The following KDM5A variants were observed in gnomAD, a reference collection of about 807,000 sequenced individuals.
KDM5A encodes lysine-specific demethylase 5A.
A neutral mutation model predicts 193.5 loss-of-function variants in KDM5A; 42 were observed. That is an observed-to-expected ratio of 0.22 (90% confidence interval 0.17 to 0.28). The LOEUF (loss-of-function observed/expected upper bound fraction) is 0.28, where lower values mean the gene tolerates loss of function less well. Among genes scored for constraint, KDM5A ranks in the 10% least tolerant of loss-of-function variants. The pLI, the probability that KDM5A is intolerant of heterozygous loss-of-function variation, is 1.00. For synonymous variants in KDM5A, 796 were observed against 718.1 expected, an observed-to-expected ratio of 1.11 and a Z score of -1.73; for missense variants, 1,692 against 2,055.1, an observed-to-expected ratio of 0.82 and a Z score of 3.42.
At chr12:336,098 C>CCTGTAATCTCA (rs1406858289) in intron 10 of KDM5A, among the ~76,000 whole-genome samples, 1 of 147,802 alleles carries the variant, frequency 6.8e-6, no homozygotes, top group Non-Finnish European at 1.5e-5. Flanking sequence ...GTGGCTCATG[C>CCTGTAATCTCA]CTGTAATCTC....
intron 3 of KDM5A, among the ~76,000 whole-genome samples, chr12:380,872 T>A (rs1314962212): frequency 6.6e-6 from 1 of 152,060 alleles, no homozygotes; most frequent in East Asian, 1.9e-4. Context: ...CTCAACTCAC[T>A]GCAACCTCTG....
chr12:317,062 A>G (rs1651742226), intron 19 of KDM5A, among the ~76,000 whole-genome samples: 2 of 152,230 alleles, frequency 1.3e-5, no homozygotes, highest in Admixed American at 1.3e-4. Context: ...ACCGTTAATT[A>G]TCAGCCAAAT....
intron 24 of KDM5A, among the ~76,000 whole-genome samples, chr12:300,085 G>A (rs994574014): frequency 6.6e-6 from 1 of 151,900 alleles, no homozygotes; most frequent in Non-Finnish European, 1.5e-5. Context: ...CACAATAATA[G>A]TGGGAGACTT....
intron 10 of KDM5A, among the ~76,000 whole-genome samples, chr12:344,435 G>C (rs965573206): frequency 3.9e-5 from 6 of 152,116 alleles, no homozygotes; most frequent in African/African-American, 1.4e-4. Context: ...AATACTCCTT[G>C]AGAAGAGCAA....
chr12:313,075 G>T lies in KDM5A; in HGVS notation c.3017C>A (p.Ala1006Asp). The change falls in exon 20 of 28, where the codon GCT (alanine) becomes GAT (aspartate). Residue 1006 changes from alanine (A) to aspartate (D), a missense_variant. Coordinates refer to ENST00000399788, the MANE Select transcript of KDM5A (RefSeq NM_001042603.3). ...TCTTACCTGAATAGCTTCCACTTTA[G>T]CGGTCCATTCTCGAGCCTTTTGTAA... Reference protein sequence around the residue: ...EALQKAREWTAKVEAIQSGSN... With the variant: ...EALQKAREWTDKVEAIQSGSN... The T allele has an allele frequency of 6.2e-7, 1 of 1,614,080 alleles. No individual in the cohort carries two copies. The highest frequency in any genetic ancestry group is 8.5e-7 in the Non-Finnish European group (1 of 1,179,996).
At chr12:305,029 G>A (rs962279537) in intron 24 of KDM5A, among the ~76,000 whole-genome samples, 27 of 152,110 alleles carry the variant, frequency 1.8e-4, no homozygotes, top group African/African-American at 6.0e-4. Flanking sequence ...GGATAACAAC[G>A]TGCTTAAGAA....
chr12:296,932 GCCAA>G, intron 25 of KDM5A, 105 bp downstream of exon 25: 1 of 1,151,286 alleles, frequency 8.7e-7, no homozygotes, highest in Non-Finnish European at 1.3e-6. Context: ...GTATTTCATG[GCCAA>G]CCATTGTACT....
intron 3 of KDM5A, among the ~76,000 whole-genome samples, chr12:370,385 T>C (rs1944411730): frequency 6.6e-6 from 1 of 152,298 alleles, no homozygotes; most frequent in South Asian, 2.1e-4. Flanking sequence ...ACAGCGAGAC[T>C]CTGTCTCAAA....
chr12:347,424 T>C (rs1944092823), intron 10 of KDM5A, among the ~76,000 whole-genome samples: 2 of 152,256 alleles, frequency 1.3e-5, no homozygotes, highest in South Asian at 2.1e-4. Flanking sequence ...TTAAAGTTCA[T>C]ATGGAACCAA....
intron 27 of KDM5A, among the ~76,000 whole-genome samples, chr12:288,035 A>G (rs1943241966): frequency 6.6e-6 from 1 of 152,226 alleles, no homozygotes; most frequent in Non-Finnish European, 1.5e-5. Flanking sequence ...AACCTAGACT[A>G]CAGGTTATAT....
intron 3 of KDM5A, among the ~76,000 whole-genome samples, chr12:370,544 C>T (rs903936245): frequency 3.3e-5 from 5 of 151,992 alleles, no homozygotes; most frequent in Non-Finnish European, 7.4e-5. Context: ...ACAATGAAGA[C>T]AAGCCGTTTA....
intron 13 of KDM5A, among the ~76,000 whole-genome samples, chr12:330,081 G>GTATA (rs1348935430): frequency 2.4e-4 from 28 of 116,544 alleles, no homozygotes; most frequent in African/African-American, 8.3e-4. Flanking sequence ...GTGTGTGTGT[G>GTATA]TGTGTATATA....
rs568537127 is a variant in KDM5A, at chr12:331,717, G to GAA, written c.1773+100_1773+101dup. 236 of 1,316,386 alleles carry GAA rather than the reference G, an allele frequency of 1.8e-4. 2 individuals carry two copies. In the South Asian group the frequency reaches 2.5e-3, roughly 14 times the overall value. The allele number at this position is 1,316,386 out of a possible 1,614,324, so 81.5% of individuals were successfully genotyped here. On this transcript the variant is annotated intron_variant, in intron 13 of 27. Transcript: ENST00000399788. ...CTCCAGTCTCCACTAAAATACTGAT[G>GAA]AACCCGACCCTGAGCCCAGCTAAGC...
chr12:337,671 G>C (rs1191536915), intron 10 of KDM5A, among the ~76,000 whole-genome samples: 2 of 147,152 alleles, frequency 1.4e-5, no homozygotes, highest in Non-Finnish European at 3.0e-5. Context: ...TTGAGACAGA[G>C]TCTCACTGTT....
chr12:286,774 A>G (rs551354021), intron 27 of KDM5A, among the ~76,000 whole-genome samples: 1 of 152,334 alleles, frequency 6.6e-6, no homozygotes, highest in South Asian at 2.1e-4. Context: ...TCAAAACCAC[A>G]GTAGTCACGT....
chr12:285,734 G>T, intron 27 of KDM5A, 72 bp from the exon 28 acceptor site: 1 of 1,332,594 alleles, frequency 7.5e-7, no homozygotes, highest in Non-Finnish European at 1.1e-6. Context: ...AAACCAAAGA[G>T]CTTTCTTGGC....
Position 331,876 on chromosome 12 carries a change from A to G in KDM5A, c.1716T>C (p.Ser572=). 6.2e-7 allele frequency: 1 copy of G among 1,614,162 alleles called. No individual in the cohort carries two copies. The highest frequency in any genetic ancestry group is 8.5e-7 in the Non-Finnish European group (1 of 1,179,970). The change falls in exon 13 of 28, where the codon TCT becomes TCC. Residue 572 remains serine (S), a synonymous_variant. Coordinates refer to ENST00000399788, the MANE Select transcript of KDM5A (RefSeq NM_001042603.3). ...FVVTFPRAYH[S]GFNQGYNFAE... is the part of the protein sequence containing the mutation. ...CAAAGTTGTAGCCCTGGTTAAATCC[A>G]GAGTGATAGGCACGAGGAAATGTCA...
chr12:378,504 ATCC>A (rs777575800), intron 3 of KDM5A, among the ~76,000 whole-genome samples: 13 of 152,254 alleles, frequency 8.5e-5, no homozygotes, highest in Non-Finnish European at 1.6e-4. Flanking sequence ...GGCTCAAATG[ATCC>A]TCCTGCCTCG....
intron 3 of KDM5A, among the ~76,000 whole-genome samples, chr12:373,971 T>C (rs1318148547): frequency 1.3e-5 from 2 of 152,186 alleles, no homozygotes; most frequent in African/African-American, 4.8e-5. Context: ...CTGGTCTTTT[T>C]CATTTGCTGA....
Sources: allele counts gnomAD v4.1 joint callset (sites outside exome capture counted in the v4.1 genomes callset), GRCh38; gene constraint gnomAD v4.1.1; transcripts MANE v1.5; gene names NCBI Gene and HGNC (gene_info 2026-07-23, HGNC 2026-07-21).